The following SDK1 variants were observed in gnomAD, a reference collection of about 807,000 sequenced individuals.
The protein encoded by SDK1 is protein sidekick-1.
Under a neutral mutation model 245.5 loss-of-function variants are expected in SDK1, and 157 were observed. The observed-to-expected ratio is 0.64, with a 90% CI of 0.56 to 0.73. SDK1 has a LOEUF of 0.73. SDK1 is among the 30% of genes least tolerant of loss of function. The probability of loss-of-function intolerance (pLI) is 0.00; values close to 1 mark genes in which losing one functional copy is unlikely to be tolerated. For synonymous variants in SDK1, 1,647 were observed against 1,278.5 expected, an observed-to-expected ratio of 1.29 and a Z score of -6.15; for missense variants, 3,583 against 3,002.3, an observed-to-expected ratio of 1.19 and a Z score of -4.52.
chr7:4,009,583 A>G (rs987874158), intron 14 of SDK1, among the ~76,000 whole-genome samples: 6 of 152,240 alleles, frequency 3.9e-5, no homozygotes, highest in African/African-American at 1.4e-4. Flanking sequence ...CTGGAAATCA[A>G]AAGCCAAGAA....
intron 28 of SDK1, among the ~76,000 whole-genome samples, chr7:4,138,054 T>C (rs186020339): frequency 4.6e-5 from 7 of 152,332 alleles, no homozygotes; most frequent in Non-Finnish European, 8.8e-5. Flanking sequence ...ATTATCTTTA[T>C]TTTAGGGCAA....
intron 4 of SDK1, among the ~76,000 whole-genome samples, chr7:3,667,042 C>T (rs1368076838): frequency 1.3e-5 from 2 of 151,932 alleles, no homozygotes; most frequent in African/African-American, 4.8e-5. Flanking sequence ...AGGACTTGTT[C>T]TTTCCATTAA....
Position 3,962,661 on chromosome 7 carries a change from C to T in SDK1, c.1239C>T (p.Val413=), listed in dbSNP as rs746639694. ...TVDIGCQAMG[V]PLPTLQWYKD... ...TTTATTCCCATTCCTACGCAGGGGT[C>T]CCCCTTCCCACCCTCCAGTGGTACA... is the stretch of plus-strand genomic sequence containing the variant. The change falls in exon 9 of 45, where the codon GTC becomes GTT. Residue 413 remains valine (V), a synonymous_variant. Transcript: ENST00000404826. 6.2e-7 allele frequency: 1 copy of T among 1,604,780 alleles called. No individual in the cohort carries two copies. Among genetic ancestry groups the T allele is most frequent in the Admixed American group, 1.7e-5 (1 of 58,600 alleles).
At chr7:3,764,653 G>A (rs573519263) in intron 4 of SDK1, among the ~76,000 whole-genome samples, 1 of 151,956 alleles carries the variant, frequency 6.6e-6, no homozygotes, top group Admixed American at 6.6e-5. Flanking sequence ...CCGCACTCTA[G>A]CCTGGGCGAC....
chr7:3,713,673 G>A (rs1421198704), intron 4 of SDK1, among the ~76,000 whole-genome samples: 1 of 152,182 alleles, frequency 6.6e-6, no homozygotes, highest in East Asian at 1.9e-4. Flanking sequence ...ACAGCTTTCT[G>A]TCACAGTATT....
intron 4 of SDK1, among the ~76,000 whole-genome samples, chr7:3,766,490 G>A (rs1780256788): frequency 6.6e-6 from 1 of 152,034 alleles, no homozygotes; most frequent in Non-Finnish European, 1.5e-5. Context: ...TAGCAAATGG[G>A]GTAATTGTAC....
chr7:4,047,441 T>C (rs571421619), intron 17 of SDK1, among the ~76,000 whole-genome samples: 27 of 152,336 alleles, frequency 1.8e-4, no homozygotes, highest in African/African-American at 4.1e-4. Flanking sequence ...ATGATGGATA[T>C]TGGTCTATAG....
At chr7:4,073,015 T>C (rs184895420) in intron 20 of SDK1, among the ~76,000 whole-genome samples, 2 of 152,264 alleles carry the variant, frequency 1.3e-5, no homozygotes, top group African/African-American at 2.4e-5. Context: ...AGTTTGTGAT[T>C]GGATGCACTG....
In SDK1 at chr7:3,438,989, A is replaced by G. The variant is rs1005323972; in HGVS notation, c.298+137105A>G. ...TGCCTCAGCCTCCCGAGTAGTTGGG[A>G]TTACTGTTGCCTGCTACCACGCCCA... On this transcript the variant is annotated intron_variant, in intron 1 of 44. Coordinates refer to ENST00000404826, the MANE Select transcript of SDK1 (RefSeq NM_152744.4). Among the ~76,000 whole-genome samples, 17 of 150,434 alleles carry G rather than the reference A, an allele frequency of 1.1e-4. No individual in the cohort carries two copies. The South Asian group carries it at 1.7e-3, about 15-fold the overall frequency.
chr7:4,139,098 C>G (rs906610165), intron 28 of SDK1, among the ~76,000 whole-genome samples: 8 of 151,530 alleles, frequency 5.3e-5, no homozygotes, highest in Non-Finnish European at 1.0e-4. Context: ...TCCACCGGCC[C>G]CCACAGTGGG....
intron 1 of SDK1, among the ~76,000 whole-genome samples, chr7:3,545,246 T>G (rs936939918): frequency 5.3e-5 from 8 of 151,870 alleles, no homozygotes; most frequent in Admixed American, 3.9e-4. Flanking sequence ...AGGCCTCAGG[T>G]AGAAAGTAGA....
At chr7:3,468,137 CAG>C (rs1433260804) in intron 1 of SDK1, among the ~76,000 whole-genome samples, 1 of 152,034 alleles carries the variant, frequency 6.6e-6, no homozygotes, top group Admixed American at 6.6e-5. Context: ...GTGAAAAGTT[CAG>C]AGATATGTTT....
At chr7:3,583,563 G>GT (rs1780585527) in intron 1 of SDK1, among the ~76,000 whole-genome samples, 2 of 152,170 alleles carry the variant, frequency 1.3e-5, no homozygotes. Flanking sequence ...CATTCACTGA[G>GT]TAACTAGTAA....
At chr7:3,803,791 A>G (rs372828468) in intron 4 of SDK1, among the ~76,000 whole-genome samples, 6 of 124,262 alleles carry the variant, frequency 4.8e-5, no homozygotes, top group East Asian at 4.6e-4. Context: ...CCTGTTGCCC[A>G]GGCTGGAGTG....
At chr7:4,005,679 G>A (rs956556066) in intron 14 of SDK1, among the ~76,000 whole-genome samples, 2 of 152,168 alleles carry the variant, frequency 1.3e-5, no homozygotes, top group South Asian at 2.1e-4. Context: ...ACTTCCAGGC[G>A]GCAAACTGCC....
chr7:4,234,796 G>T (rs1471568003), intron 41 of SDK1, among the ~76,000 whole-genome samples: 1 of 152,222 alleles, frequency 6.6e-6, no homozygotes, highest in Non-Finnish European at 1.5e-5. Flanking sequence ...GGCGCTGGGG[G>T]GTTCAGAGAG....
intron 4 of SDK1, among the ~76,000 whole-genome samples, chr7:3,691,474 G>A (rs1784435679): frequency 6.6e-6 from 1 of 152,178 alleles, no homozygotes; most frequent in Admixed American, 6.5e-5. Flanking sequence ...AGGACTTGGA[G>A]CATGTTATAA....
chr7:3,581,260 AAAAC>A lies in SDK1; in HGVS notation c.299-37819_299-37816del, dbSNP rs1229527425. Among the ~76,000 whole-genome samples the A allele has an allele frequency of 3.3e-5, 5 of 152,296 alleles. No individual in the cohort carries two copies. In the East Asian group the frequency reaches 9.6e-4, roughly 29 times the overall value. The stretch of plus-strand genomic sequence containing the variant: ...CTATAAGGAACTTAAATTTACAAAA[AAAAC>A]CTATTAATCGAATATGATAAATCAG... On this transcript the variant is annotated intron_variant, in intron 1 of 44. Transcript: ENST00000404826.
At position 3,615,903 on chromosome 7, in the gene SDK1, G is replaced by T. The variant is rs1341221420; in HGVS notation, c.299-3177G>T. ...TCTTTTTTTTTTTTTCTGAGACAGG[G>T]TCTTGGTCTGTCACCCACACTGCCA... is the stretch of plus-strand genomic sequence containing the variant. On this transcript the variant is annotated intron_variant, in intron 1 of 44. Transcript: ENST00000404826. Among the ~76,000 whole-genome samples the T allele has an allele frequency of 4.2e-5, 6 of 142,972 alleles. 1 individual carries two copies. Among genetic ancestry groups the T allele is most frequent in the African/African-American group, 1.5e-4 (6 of 40,530 alleles). 93.8% of individuals were successfully genotyped at this position (142,972 alleles called of 152,430 possible).
Sources: gnomAD v4.1 joint callset for allele counts (sites outside exome capture counted in the v4.1 genomes callset) on GRCh38, gnomAD v4.1.1 for gene constraint, MANE v1.5 for transcripts, NCBI Gene and HGNC (gene_info 2026-07-23, HGNC 2026-07-21) for gene names.